The following NUP214 variants were observed in gnomAD, a reference collection of about 807,000 sequenced individuals.
NUP214 encodes nucleoporin 214, also known as nuclear pore complex protein Nup214.
NUP214 carries 79 observed loss-of-function variants against 196.2 expected under a neutral mutation model. The ratio of observed to expected loss-of-function variants is 0.40; its 90% CI spans 0.34 to 0.49. NUP214 has a LOEUF of 0.49. Among genes scored for constraint, NUP214 ranks in the 20% least tolerant of loss-of-function variants. NUP214 has a pLI of 0.58. For synonymous variants in NUP214, 1,020 were observed against 990.5 expected, an observed-to-expected ratio of 1.03 and a Z score of -0.56; for missense variants, 2,468 against 2,539.0, an observed-to-expected ratio of 0.97 and a Z score of 0.60.
intron 32 of NUP214, among the ~76,000 whole-genome samples, chr9:131,223,162 A>AT (rs200115812): frequency 0.048 from 7,139 of 148,878 alleles, 259 homozygotes; most frequent in African/African-American, 0.1. Context: ...GTAATGCAAC[A>AT]TTTTTTTTTC....
At chr9:131,127,975 A>T (rs1197679019) in intron 2 of NUP214, among the ~76,000 whole-genome samples, 1 of 152,150 alleles carries the variant, frequency 6.6e-6, no homozygotes, top group East Asian at 1.9e-4. Flanking sequence ...TGCTCAGTTG[A>T]ACTTGGGCTC....
chr9:131,192,865 C>G (rs991622894), intron 27 of NUP214, among the ~76,000 whole-genome samples: 3 of 136,630 alleles, frequency 2.2e-5, no homozygotes, highest in Non-Finnish European at 4.6e-5. Context: ...CCCTTGAGCC[C>G]GGGAGTTCGA....
At chr9:131,194,575 G>A (rs535701299) in intron 27 of NUP214, among the ~76,000 whole-genome samples, 17 of 152,180 alleles carry the variant, frequency 1.1e-4, no homozygotes, top group East Asian at 5.8e-4. Flanking sequence ...TCACACTCGC[G>A]TGGGATTTTC....
chr9:131,155,459 T>G (rs1288479273), intron 17 of NUP214, among the ~76,000 whole-genome samples: 1 of 152,210 alleles, frequency 6.6e-6, no homozygotes, highest in Admixed American at 6.5e-5. Context: ...ACTCTGCTGA[T>G]TATTTCTTTT....
chr9:131,192,351 AC>A (rs1375829315), intron 27 of NUP214, 59 bp downstream of exon 27: 9 of 977,730 alleles, frequency 9.2e-6, no homozygotes, highest in Non-Finnish European at 1.3e-5. Context: ...CCCAAATCTT[AC>A]AATTATAGAT....
intron 33 of NUP214, chr9:131,229,696 G>T (rs1253726286): frequency 1.9e-6 from 1 of 518,734 alleles, no homozygotes; most frequent in Non-Finnish European, 3.8e-6. Context: ...CGACCCTGAA[G>T]GGCAGGCTGT....
chr9:131,208,320 C>G (rs758694451), intron 30 of NUP214, among the ~76,000 whole-genome samples: 18 of 152,224 alleles, frequency 1.2e-4, no homozygotes, highest in Non-Finnish European at 2.4e-4. Context: ...AAGGTGGAAA[C>G]AACCCAAGTG....
chr9:131,219,404 C>G (rs1441048895), intron 31 of NUP214, among the ~76,000 whole-genome samples: 1 of 152,212 alleles, frequency 6.6e-6, no homozygotes, highest in Non-Finnish European at 1.5e-5. Flanking sequence ...CCCTTTGTGA[C>G]ATTTATGCCC....
At chr9:131,163,800 T>C in intron 19 of NUP214, 70 bp from the exon 20 acceptor site, 1 of 1,051,054 alleles carries the variant, frequency 9.5e-7, no homozygotes. Flanking sequence ...TTTAAGAGGA[T>C]AGTGTACCCC....
intron 8 of NUP214, 115 bp downstream of exon 8, chr9:131,135,119 T>C: frequency 1.3e-6 from 1 of 757,534 alleles, no homozygotes; most frequent in Non-Finnish European, 2.2e-6. Flanking sequence ...TGGCAGGGTC[T>C]CACTCCATTA....
In NUP214 at chr9:131,198,873, A is replaced by C. The variant is rs756393440; in HGVS notation, c.5379A>C (p.Thr1793=). Residue 1793 remains threonine, a synonymous_variant, in exon 29 of 36, where the codon ACA becomes ACC. Coordinates refer to ENST00000359428, the MANE Select transcript of NUP214 (RefSeq NM_005085.4). Reference sequence around the variant, plus strand: ...CATTTGGACAGTCTTCTCCCAACACAGGAGGGGGGCTGTTTGGCCAAAGCA... The same window carrying C: ...CATTTGGACAGTCTTCTCCCAACACCGGAGGGGGGCTGTTTGGCCAAAGCA... The part of the protein sequence containing the change: ...SFSFGQSSPN[T]GGGLFGQSNA... The C allele has an allele frequency of 3.7e-6, 6 of 1,613,964 alleles. No individual in the cohort carries two copies. The South Asian group carries it at 4.4e-5, about 12-fold the overall frequency.
At chr9:131,130,876 GC>G in intron 5 of NUP214, 40 bp downstream of exon 5, 1 of 1,569,350 alleles carries the variant, frequency 6.4e-7, no homozygotes, top group Non-Finnish European at 8.8e-7. Context: ...TTCTTAAGTT[GC>G]CCACTTTTTT....
intron 18 of NUP214, among the ~76,000 whole-genome samples, chr9:131,162,417 G>A (rs1832667948): frequency 6.6e-6 from 1 of 152,182 alleles, no homozygotes. Context: ...CTACTGAAAA[G>A]CGGAAGCAAA....
chr9:131,208,343 T>C (rs979617600), intron 30 of NUP214, among the ~76,000 whole-genome samples: 1 of 152,254 alleles, frequency 6.6e-6, no homozygotes, highest in African/African-American at 2.4e-5. Flanking sequence ...AAACAGCAGA[T>C]GAATGGATAA....
At chr9:131,211,637 A>G (rs553094288) in intron 30 of NUP214, among the ~76,000 whole-genome samples, 1 of 152,330 alleles carries the variant, frequency 6.6e-6, no homozygotes, top group African/African-American at 2.4e-5. Flanking sequence ...CCAAATTAAT[A>G]CTTTTGTAAT....
intron 30 of NUP214, among the ~76,000 whole-genome samples, 177 bp from the exon 31 acceptor site, chr9:131,215,035 A>G (rs1834350974): frequency 6.6e-6 from 1 of 152,186 alleles, no homozygotes; most frequent in Non-Finnish European, 1.5e-5. Context: ...CTTCTCATAG[A>G]TAGGAAGTCC....
At position 131,129,484 on chromosome 9, in the gene NUP214, A is replaced by G. The variant is rs759223614; in HGVS notation, c.592+7A>G. 6 of 1,613,240 alleles carry G rather than the reference A, an allele frequency of 3.7e-6. No homozygotes were observed. Among genetic ancestry groups the G allele is most frequent in the Non-Finnish European group, 5.1e-6 (6 of 1,179,146 alleles). ...ACGGTAGCAGTAACCTCTGGTGAGT[A>G]ATAAAGGCTTTCACACTGTAGCATA... On this transcript the variant is annotated splice_region_variant and intron_variant, in intron 4 of 35. Transcript: ENST00000359428.
intron 23 of NUP214, 147 bp from the exon 24 acceptor site, chr9:131,178,164 G>A (rs1833168518): frequency 1.6e-6 from 1 of 630,270 alleles, no homozygotes; most frequent in Middle Eastern, 4.1e-4. Flanking sequence ...ACACAATGCT[G>A]CAAGAACTAC....
intron 29 of NUP214, 135 bp downstream of exon 29, chr9:131,199,150 T>C: frequency 9.2e-7 from 1 of 1,092,474 alleles, no homozygotes; most frequent in African/African-American, 1.6e-5. Flanking sequence ...GAAGACAGCT[T>C]GGAGCACATG....
Sources: allele counts gnomAD v4.1 joint callset (sites outside exome capture counted in the v4.1 genomes callset), GRCh38; gene constraint gnomAD v4.1.1; transcripts MANE v1.5; gene names NCBI Gene and HGNC (gene_info 2026-07-23, HGNC 2026-07-21).